ASPRV1: variants seen among roughly 807,000 people sequenced by gnomAD.
ASPRV1 encodes the protein retroviral-like aspartic protease 1.
A neutral mutation model predicts 11.0 loss-of-function variants in ASPRV1; 7 were observed. The ratio of observed to expected loss-of-function variants is 0.64; its 90% CI spans 0.36 to 1.20. ASPRV1 has a LOEUF of 1.20. Ranked by LOEUF, ASPRV1 falls within the 50% of genes most tolerant of loss-of-function variation. ASPRV1 has a pLI of 0.02. For missense variants in ASPRV1, 299 were observed against 320.0 expected, an observed-to-expected ratio of 0.93 and a Z score of 0.50; for synonymous variants, 136 against 138.4, an observed-to-expected ratio of 0.98 and a Z score of 0.12.
chr2:70,056,858 G>A, the ASPRV1 span, among the ~76,000 whole-genome samples: 10 of 151,320 alleles, frequency 6.6e-5, no homozygotes, highest in South Asian at 2.1e-4. Context: ...TCTCAGCCTC[G>A]CGAGTAGCTG....
the ASPRV1 span, among the ~76,000 whole-genome samples, chr2:70,047,559 C>T: frequency 2.0e-5 from 3 of 152,134 alleles, no homozygotes; most frequent in South Asian, 2.1e-4. Flanking sequence ...AGGTACAGCA[C>T]GCCAAAAGTG....
At chr2:70,000,333 A>C in the ASPRV1 span, among the ~76,000 whole-genome samples, 3 of 142,340 alleles carry the variant, frequency 2.1e-5, no homozygotes, top group East Asian at 4.2e-4. Context: ...AAAAAAAAAA[A>C]AACCACACAC....
chr2:70,050,202 C>T, the ASPRV1 span: 1 of 152,024 alleles, frequency 6.6e-6, no homozygotes, highest in Admixed American at 6.6e-5. Flanking sequence ...ATCGCTTGAA[C>T]CCAGGAAGCA....
the ASPRV1 span, among the ~76,000 whole-genome samples, chr2:69,991,735 G>C: frequency 6.6e-6 from 1 of 152,142 alleles, no homozygotes; most frequent in Non-Finnish European, 1.5e-5. Context: ...TTAGTAGAGA[G>C]GGGTTTCACC....
At chr2:69,989,584 A>T in the ASPRV1 span, among the ~76,000 whole-genome samples, 12 of 152,226 alleles carry the variant, frequency 7.9e-5, no homozygotes, top group African/African-American at 2.7e-4. Context: ...CCCGGCGCTC[A>T]TTTGGGGCGT....
the ASPRV1 span, among the ~76,000 whole-genome samples, chr2:70,043,166 T>G: frequency 5.3e-5 from 8 of 152,120 alleles, no homozygotes; most frequent in Non-Finnish European, 1.0e-4. Flanking sequence ...AAAAGCTGTA[T>G]GCCTTCTTTG....
At chr2:70,049,857 G>A in the ASPRV1 span, 2 of 152,228 alleles carry the variant, frequency 1.3e-5, no homozygotes, top group Non-Finnish European at 2.9e-5. Context: ...CTGAGATGGA[G>A]ATGTGCTATT....
chr2:69,990,154 C>A, the ASPRV1 span, among the ~76,000 whole-genome samples: 2 of 151,914 alleles, frequency 1.3e-5, no homozygotes, highest in Non-Finnish European at 2.9e-5. Context: ...TTGGTTTGCC[C>A]TTTTTATTTT....
At chr2:70,072,544 G>C in the ASPRV1 span, among the ~76,000 whole-genome samples, 1 of 151,814 alleles carries the variant, frequency 6.6e-6, no homozygotes, top group Admixed American at 6.6e-5. Context: ...CCAACATGAT[G>C]AAACCTGTCT....
the ASPRV1 span, among the ~76,000 whole-genome samples, chr2:70,000,788 CAAA>C: frequency 1.9e-4 from 8 of 42,030 alleles, no homozygotes; most frequent in African/African-American, 7.1e-4. Context: ...GACCCTGCCT[CAAA>C]AAAAAAAAAA....
upstream of ASPRV1, among the ~76,000 whole-genome samples, chr2:69,965,261 C>G (rs2104300308): frequency 6.6e-6 from 1 of 152,220 alleles, no homozygotes; most frequent in East Asian, 1.9e-4. Flanking sequence ...GATGGATCTC[C>G]TGACCTTGTG....
chr2:69,951,483 GTA>G, the ASPRV1 span, among the ~76,000 whole-genome samples: 1,241 of 86,898 alleles, frequency 0.014, 23 homozygotes, highest in African/African-American at 0.057. Flanking sequence ...GTGTGTGTGT[GTA>G]TATCTATATG....
the ASPRV1 span, among the ~76,000 whole-genome samples, chr2:69,974,751 C>A: frequency 2.0e-5 from 3 of 152,220 alleles, no homozygotes; most frequent in Non-Finnish European, 4.4e-5. Flanking sequence ...GAACTCTGGA[C>A]AGGAAGAAGG....
upstream of ASPRV1, among the ~76,000 whole-genome samples, chr2:69,966,435 C>A (rs865882044): frequency 7.2e-5 from 11 of 152,366 alleles, no homozygotes; most frequent in Middle Eastern, 3.4e-3. Flanking sequence ...GAGGGGCTGG[C>A]TCTAAGGAAA....
chr2:70,076,874 A>G, the ASPRV1 span, among the ~76,000 whole-genome samples: 25 of 152,226 alleles, frequency 1.6e-4, no homozygotes, highest in African/African-American at 4.8e-4. Flanking sequence ...CCAGGAAAAT[A>G]TCAAAATTAA....
chr2:69,937,708 G>A, the ASPRV1 span, among the ~76,000 whole-genome samples: 29,591 of 152,090 alleles, frequency 0.19, 3,002 homozygotes, highest in African/African-American at 0.23. Flanking sequence ...TCCGCCTCCC[G>A]GGTTCAAGCG....
the ASPRV1 span, among the ~76,000 whole-genome samples, chr2:70,010,462 G>A: frequency 6.6e-6 from 1 of 152,148 alleles, no homozygotes; most frequent in African/African-American, 2.4e-5. Flanking sequence ...GAGAGAGTGA[G>A]CAAGCAGCGT....
At chr2:69,992,305 A>G in the ASPRV1 span, among the ~76,000 whole-genome samples, 26 of 152,206 alleles carry the variant, frequency 1.7e-4, no homozygotes, top group Non-Finnish European at 3.7e-4. Context: ...ACAGACCAAT[A>G]AGGAAGCAAA....
the ASPRV1 span, chr2:69,975,684 TCCTCACAGTGCCCAGCA>T: frequency 6.6e-6 from 1 of 152,246 alleles, no homozygotes; most frequent in Admixed American, 6.5e-5. Context: ...AGGCAGAAGC[TCCTCACAGTGCCCAGCA>T]CGCAGTAGGG....
Sources: allele counts gnomAD v4.1 joint callset (sites outside exome capture counted in the v4.1 genomes callset), GRCh38; gene constraint gnomAD v4.1.1; transcripts MANE v1.5; gene names NCBI Gene and HGNC (gene_info 2026-07-23, HGNC 2026-07-21).